Variants in CSTL1 observed in about 807,000 individuals in gnomAD.
CSTL1 encodes the protein cystatin like 1.
In CSTL1, 14 loss-of-function variants were observed where a neutral mutation model predicts 14.4. The ratio of observed to expected loss-of-function variants is 0.97; its 90% CI spans 0.64 to 1.52. The LOEUF is 1.52. CSTL1 is among the 40% of genes most tolerant of loss of function. The pLI, the probability that CSTL1 is intolerant of heterozygous loss-of-function variation, is 0.00. For missense variants in CSTL1, 170 were observed against 168.7 expected (o/e 1.01, Z -0.04); for synonymous variants, 72 against 67.5 (o/e 1.07, Z -0.33).
At chr20:23,446,738 C>G (rs79594720), downstream of CSTL1, among the ~76,000 whole-genome samples, 4,088 of 152,298 alleles carry the variant, frequency 0.027, 188 homozygotes, top group African/African-American at 0.093. Flanking sequence ...CTAATAGCCA[C>G]AGACAATGGC....
At chr20:23,442,478 T>C (rs1162244295) in intron 2 of CSTL1, 1 of 152,260 alleles carries the variant, frequency 6.6e-6, no homozygotes, top group Non-Finnish European at 1.5e-5. Flanking sequence ...CTCCTGTCAT[T>C]ATCGAACAAA....
the CSTL1 span, among the ~76,000 whole-genome samples, chr20:23,451,143 T>C: frequency 6.6e-6 from 1 of 152,156 alleles, no homozygotes; most frequent in Non-Finnish European, 1.5e-5. Flanking sequence ...CATCCACCCA[T>C]CCATCTTTAC....
chr20:23,452,387 T>C, the CSTL1 span, among the ~76,000 whole-genome samples: 1 of 152,198 alleles, frequency 6.6e-6, no homozygotes, highest in Non-Finnish European at 1.5e-5. Context: ...TGGGATGTAA[T>C]GTGCTGAGGA....
the CSTL1 span, among the ~76,000 whole-genome samples, chr20:23,455,978 C>T: frequency 6.6e-6 from 1 of 152,276 alleles, no homozygotes; most frequent in Non-Finnish European, 1.5e-5. Context: ...GGCTGGAATA[C>T]AAACTCTTCT....
At chr20:23,445,052 G>A (rs1375794757), downstream of CSTL1, 40 of 640,972 alleles carry the variant, frequency 6.2e-5, no homozygotes, top group Admixed American at 7.5e-4. Flanking sequence ...TCATACTCAC[G>A]ACACCCTCAC....
In CSTL1 at chr20:23,444,805, C is replaced by A; in HGVS notation, c.365C>A (p.Pro122His). ...TGCGAGTCTTTGATATACACCATGC[C>A]CTGGATAAACTATTTCCAGCTCTGG... is the stretch of plus-strand genomic sequence containing the variant. ...LICESLIYTM[P>H]WINYFQLWNN... Residue 122 changes from proline to histidine, a missense_variant, in exon 4 of 4, where the codon CCC becomes CAC. By Grantham distance (77) the Pro-to-His change is moderately conservative. Coordinates refer to ENST00000347397, the MANE Select transcript of CSTL1 (RefSeq NM_138283.1). 3 of 1,613,676 alleles carry A rather than the reference C, an allele frequency of 1.9e-6. No individual in the cohort carries two copies. The highest frequency in any genetic ancestry group is 2.5e-6 in the Non-Finnish European group (3 of 1,179,632).
the CSTL1 span, among the ~76,000 whole-genome samples, chr20:23,454,058 C>T: frequency 2.9e-4 from 44 of 151,792 alleles, no homozygotes; most frequent in Admixed American, 2.6e-3. Flanking sequence ...ACAACACACA[C>T]ACATACCGCC....
the CSTL1 span, among the ~76,000 whole-genome samples, chr20:23,459,807 C>T: frequency 6.6e-6 from 1 of 152,300 alleles, no homozygotes; most frequent in African/African-American, 2.4e-5. Context: ...ATCCTTTTCC[C>T]TGTAGACTGC....
chr20:23,461,170 T>G, the CSTL1 span, among the ~76,000 whole-genome samples: 1 of 152,202 alleles, frequency 6.6e-6, no homozygotes, highest in Non-Finnish European at 1.5e-5. Context: ...AAGGCACAGA[T>G]TGTTAGCATT....
rs1195827601 is a variant in CSTL1 at position 23,443,963 on chromosome 20, T to A, written c.249T>A (p.Thr83=). 6 of 1,613,942 alleles carry A rather than the reference T, an allele frequency of 3.7e-6. No homozygotes were observed. The highest frequency in any genetic ancestry group is 4.2e-6 in the Non-Finnish European group (5 of 1,179,924). Residue 83 remains threonine (T), a synonymous_variant, in exon 3 of 4, where the codon ACT becomes ACA. Transcript: ENST00000347397. ...CGACGGGAGTGGAGTATATAGTCAC[T>A]GTGAAGATTGGCTGGACCAAATGCA... The part of the protein sequence containing the change: ...QLTTGVEYIV[T]VKIGWTKCKR...
chr20:23,441,557 A>C (rs1986832400), intron 2 of CSTL1, among the ~76,000 whole-genome samples: 1 of 152,118 alleles, frequency 6.6e-6, no homozygotes, highest in African/African-American at 2.4e-5. Context: ...TTTCCACATA[A>C]CCTATGCACA....
At chr20:23,445,878 T>G (rs990701068), downstream of CSTL1, among the ~76,000 whole-genome samples, 2 of 151,642 alleles carry the variant, frequency 1.3e-5, no homozygotes, top group African/African-American at 2.4e-5. Flanking sequence ...AGGCAAAAGG[T>G]GCATGGCGCT....
intron 2 of CSTL1, 135 bp downstream of exon 2, chr20:23,440,621 T>G: frequency 1.3e-6 from 1 of 760,172 alleles, no homozygotes; most frequent in East Asian, 2.6e-5. Context: ...CATCTTCACT[T>G]GTAGCAGGTA....
intron 2 of CSTL1, among the ~76,000 whole-genome samples, chr20:23,441,111 G>T (rs1052605388): frequency 2.0e-5 from 3 of 152,120 alleles, no homozygotes; most frequent in African/African-American, 7.2e-5. Flanking sequence ...TGACCCTGCC[G>T]GAGTGACAGC....
At chr20:23,460,302 A>C in the CSTL1 span, among the ~76,000 whole-genome samples, 1 of 152,200 alleles carries the variant, frequency 6.6e-6, no homozygotes, top group Non-Finnish European at 1.5e-5. Context: ...CCAGAGGGTC[A>C]TGGGGTGGCT....
chr20:23,440,558 G>T, intron 2 of CSTL1, 72 bp downstream of exon 2: 1 of 1,196,342 alleles, frequency 8.4e-7, no homozygotes, highest in Non-Finnish European at 1.3e-6. Flanking sequence ...GGATTCTGGG[G>T]TAGCTCCCAA....
At chr20:23,451,905 C>CCACATT in the CSTL1 span, 2 of 1,613,838 alleles carry the variant, frequency 1.2e-6, no homozygotes, top group South Asian at 2.2e-5. Flanking sequence ...AGGTGATACT[C>CCACATT]CAGGTGGTCA....
the CSTL1 span, among the ~76,000 whole-genome samples, chr20:23,451,126 C>T: frequency 6.6e-6 from 1 of 152,156 alleles, no homozygotes; most frequent in African/African-American, 2.4e-5. Context: ...CCATTTATCC[C>T]TCCTTCCATC....
In CSTL1 at chr20:23,440,234, T is replaced by G; in HGVS notation, c.-34T>G. The G allele has an allele frequency of 1.2e-6, 2 of 1,609,480 alleles. No homozygotes were observed. Among genetic ancestry groups the G allele is most frequent in the Non-Finnish European group, 1.7e-6 (2 of 1,177,006 alleles). ...CCTGGCACCACCACACCCTGGAAGGTGCAGTTGGGAAGAAAGTTTCTGAGG... is the reference window on the plus strand; with the variant it reads ...CCTGGCACCACCACACCCTGGAAGGGGCAGTTGGGAAGAAAGTTTCTGAGG... On this transcript the variant is annotated 5_prime_UTR_variant, in exon 2 of 4. Coordinates refer to ENST00000347397, the MANE Select transcript of CSTL1 (RefSeq NM_138283.1).
Sources: allele counts gnomAD v4.1 joint callset (sites outside exome capture counted in the v4.1 genomes callset), GRCh38; gene constraint gnomAD v4.1.1; transcripts MANE v1.5; gene names NCBI Gene and HGNC (gene_info 2026-07-23, HGNC 2026-07-21).